TRPA1: variants seen among roughly 807,000 people sequenced by gnomAD.
TRPA1 encodes the protein ankyrin-like with transmembrane domains 1.
Under a neutral mutation model 131.3 loss-of-function variants are expected in TRPA1, and 129 were observed. The ratio of observed to expected loss-of-function variants is 0.98; its 90% CI spans 0.85 to 1.14. The LOEUF (loss-of-function observed/expected upper bound fraction) is 1.14, where lower values mean the gene tolerates loss of function less well. Ranked by LOEUF, TRPA1 falls within the 50% of genes most tolerant of loss-of-function variation. TRPA1 has a pLI of 0.00. For missense variants in TRPA1, 1,304 were observed against 1,354.2 expected (o/e 0.96, Z 0.58); for synonymous variants, 441 against 451.7 (o/e 0.98, Z 0.30).
chr8:72,023,447 G>T, intron 26 of TRPA1: 3 of 453,210 alleles, frequency 6.6e-6, no homozygotes, highest in South Asian at 2.2e-5. Context: ...CTAACTAACT[G>T]TAAAACCCTC....
chr8:72,055,638 A>G, intron 11 of TRPA1, 38 bp from the exon 12 acceptor site: 1 of 1,613,644 alleles, frequency 6.2e-7, no homozygotes, highest in Non-Finnish European at 8.5e-7. Flanking sequence ...CAAGGCAAAT[A>G]TTAAACAGAA....
In TRPA1 at chr8:72,062,677, GA is replaced by G. The variant is rs1805834930; in HGVS notation, c.807+121del. On this transcript the variant is annotated intron_variant, in intron 6 of 26. Transcript: ENST00000262209. ...CTCTTGTTCTGCTTCTGCAGAAGCA[GA>G]AGGAAATATGTATTTCTTGTATGTA... The G allele has an allele frequency of 2.8e-6, 3 of 1,057,138 alleles. No homozygotes were observed. In the African/African-American group the frequency reaches 4.8e-5, roughly 17 times the overall value. 65.5% of individuals were successfully genotyped at this position (1,057,138 alleles called of 1,614,324 possible). A position where few individuals can be genotyped will look rare whatever the true frequency, so the allele number is the denominator to read the frequency against.
intron 21 of TRPA1, among the ~76,000 whole-genome samples, chr8:72,035,578 A>G (rs949873194): frequency 1.3e-5 from 2 of 152,140 alleles, no homozygotes; most frequent in African/African-American, 4.8e-5. Context: ...TATTGGAAAG[A>G]TTATGTGAAA....
upstream of TRPA1, among the ~76,000 whole-genome samples, chr8:72,077,399 T>A (rs1806210136): frequency 6.6e-6 from 1 of 152,082 alleles, no homozygotes; most frequent in African/African-American, 2.4e-5. Flanking sequence ...CTTTGTAATA[T>A]CCCCTGGAGT....
chr8:72,044,884 T>C (rs1251579453), intron 17 of TRPA1, among the ~76,000 whole-genome samples: 1 of 152,024 alleles, frequency 6.6e-6, no homozygotes, highest in Non-Finnish European at 1.5e-5. Context: ...AGTGAACCTA[T>C]TTTATTTAAA....
the TRPA1 span, among the ~76,000 whole-genome samples, chr8:72,081,655 A>T: frequency 6.6e-6 from 1 of 151,754 alleles, no homozygotes; most frequent in Non-Finnish European, 1.5e-5. Context: ...CAGGATTTAT[A>T]CTCCATTGAG....
chr8:72,071,519 A>G (rs1475077731), intron 2 of TRPA1, among the ~76,000 whole-genome samples, 192 bp downstream of exon 2: 2 of 152,218 alleles, frequency 1.3e-5, no homozygotes, highest in African/African-American at 4.8e-5. Context: ...GATCTCTGTA[A>G]TATGCTTTGC....
At chr8:72,083,299 T>C in the TRPA1 span, among the ~76,000 whole-genome samples, 4 of 152,188 alleles carry the variant, frequency 2.6e-5, no homozygotes, top group Admixed American at 6.5e-5. Context: ...TCAAATAGAA[T>C]TAGTTTCTGT....
chr8:72,026,099 T>C (rs1356817885), intron 24 of TRPA1, 26 bp from the exon 25 acceptor site: 3 of 1,556,678 alleles, frequency 1.9e-6, no homozygotes, highest in South Asian at 1.1e-5. Context: ...GATTTATTGA[T>C]AGAATCATTA....
At chr8:72,083,338 G>T in the TRPA1 span, among the ~76,000 whole-genome samples, 1 of 152,052 alleles carries the variant, frequency 6.6e-6, no homozygotes, top group African/African-American at 2.4e-5. Flanking sequence ...TTCTGAGTAT[G>T]GGCTACACTG....
Position 72,023,920 on chromosome 8 carries a change from T to TA in TRPA1, c.3052-10dup. ...AAAAAACAGAATATATGCTGTCGGA[T>TA]AAAAAATAGTAGTTACTCAAATTGA... is the stretch of plus-strand genomic sequence containing the variant. On this transcript the variant is annotated splice_polypyrimidine_tract_variant and intron_variant, in intron 25 of 26. Coordinates refer to ENST00000262209, the MANE Select transcript of TRPA1 (RefSeq NM_007332.3). 1 of 1,525,734 alleles carries TA rather than the reference T, an allele frequency of 6.6e-7. No homozygotes were observed. Among genetic ancestry groups the TA allele is most frequent in the Non-Finnish European group, 9.1e-7 (1 of 1,100,956 alleles). 94.5% of individuals were successfully genotyped at this position (1,525,734 alleles called of 1,614,324 possible). A position where few individuals can be genotyped will look rare whatever the true frequency, so the allele number is the denominator to read the frequency against.
the TRPA1 span, among the ~76,000 whole-genome samples, chr8:72,084,645 T>C: frequency 7.6e-6 from 1 of 132,382 alleles, no homozygotes; most frequent in African/African-American, 2.9e-5. Context: ...CTTAAAATGA[T>C]AATTTTTTTT....
intron 4 of TRPA1, among the ~76,000 whole-genome samples, chr8:72,064,246 C>T (rs1490658512): frequency 7.9e-6 from 1 of 126,158 alleles, no homozygotes; most frequent in Non-Finnish European, 1.6e-5. Flanking sequence ...CATAATAGTC[C>T]AGAAATTATA....
intron 21 of TRPA1, among the ~76,000 whole-genome samples, chr8:72,034,920 T>G (rs1811974534): frequency 6.6e-6 from 1 of 152,192 alleles, no homozygotes; most frequent in Middle Eastern, 3.2e-3. Context: ...AAATAATAGC[T>G]TCTCAATATC....
Position 72,069,177 on chromosome 8 carries a change from T to A in TRPA1, c.290A>T (p.Tyr97Phe), listed in dbSNP as rs1317054738. 1.2e-6 allele frequency: 2 copies of A among 1,614,090 alleles called. No homozygotes were observed. The highest frequency in any genetic ancestry group is 1.3e-5 in the African/African-American group (1 of 74,934). The change falls in exon 3 of 27, where the codon TAT (tyrosine) becomes TTT (phenylalanine). Residue 97 changes from tyrosine (Y) to phenylalanine (F), a missense_variant. Physicochemically the swap from Tyr to Phe is conservative, Grantham distance 22 (BLOSUM62 3). Coordinates refer to ENST00000262209, the MANE Select transcript of TRPA1 (RefSeq NM_007332.3). The part of the protein sequence containing the change: ...SLEVLHEMDD[Y>F]GNTPLHCAVE... ...AGCACAATGCAGAGGGGTATTTCCA[T>A]AATCATCCATTTCATGCAGCACTAG...
At chr8:72,075,837 C>T (rs1048069277), upstream of TRPA1, among the ~76,000 whole-genome samples, 1 of 150,752 alleles carries the variant, frequency 6.6e-6, no homozygotes, top group Non-Finnish European at 1.5e-5. Flanking sequence ...GCCCCTTGCC[C>T]TGCCCCCCAA....
rs1563398559 is a variant in TRPA1 at position 72,056,943 on chromosome 8, T to C, written c.1168A>G (p.Lys390Glu). The change falls in exon 10 of 27, where the codon AAA becomes GAA. Residue 390 changes from lysine (K) to glutamate (E), a missense_variant. Transcript: ENST00000262209. ...TGCATAAATTCAGGTCGCAGATTTT[T>C]TAATCCATAAGGTTGCTGTACAGTT... Reference protein sequence around the residue: ...HLTVQQPYGLKNLRPEFMQMQ... With the variant: ...HLTVQQPYGLENLRPEFMQMQ... The C allele has an allele frequency of 6.2e-7, 1 of 1,609,296 alleles. No homozygotes were observed. Among genetic ancestry groups the C allele is most frequent in the Non-Finnish European group, 8.5e-7 (1 of 1,178,088 alleles).
In TRPA1 at chr8:72,036,289, T is replaced by C; in HGVS notation, c.2554A>G (p.Arg852Gly). 1.2e-6 allele frequency: 2 copies of C among 1,613,982 alleles called. No individual in the cohort carries two copies. The highest frequency in any genetic ancestry group is 1.7e-6 in the Non-Finnish European group (2 of 1,179,904). ...YWMNFLLYLQ[R>G]FENCGIFIVM... The stretch of plus-strand genomic sequence containing the variant: ...GGAAATAATTCAAGCTTGTTTTACC[T>C]TTGAAGATACAATAAGAAATTCATC... Residue 852 changes from arginine (R) to glycine (G), a missense_variant and splice_region_variant, in exon 21 of 27, where the codon AGA becomes GGA. By Grantham distance (125) the Arg-to-Gly change is moderately radical (BLOSUM62 -2). Coordinates refer to ENST00000262209, the MANE Select transcript of TRPA1 (RefSeq NM_007332.3).
At chr8:72,033,413 G>A (rs1338994235) in intron 23 of TRPA1, among the ~76,000 whole-genome samples, 4 of 152,174 alleles carry the variant, frequency 2.6e-5, no homozygotes, top group African/African-American at 9.7e-5. Context: ...AACAGTTGCT[G>A]GCATTTGGTA....
Sources: allele counts gnomAD v4.1 joint callset (sites outside exome capture counted in the v4.1 genomes callset), GRCh38; gene constraint gnomAD v4.1.1; transcripts MANE v1.5; gene names NCBI Gene and HGNC (gene_info 2026-07-23, HGNC 2026-07-21).